SPATA16: variants seen among roughly 807,000 people sequenced by gnomAD.
The protein encoded by SPATA16 is spermatogenesis associated 16.
SPATA16 carries 36 observed loss-of-function variants against 63.3 expected under a neutral mutation model. The ratio of observed to expected loss-of-function variants is 0.57; its 90% CI spans 0.44 to 0.75. The LOEUF is 0.75. Among genes scored for constraint, SPATA16 ranks in the 30% least tolerant of loss-of-function variants. SPATA16 has a pLI of 0.00. For missense variants in SPATA16, 646 were observed against 679.3 expected, an observed-to-expected ratio of 0.95 and a Z score of 0.54; for synonymous variants, 203 against 216.7, an observed-to-expected ratio of 0.94 and a Z score of 0.56.
intron 2 of SPATA16, among the ~76,000 whole-genome samples, chr3:173,080,091 T>A (rs1018272491): frequency 6.6e-5 from 10 of 152,342 alleles, no homozygotes; most frequent in Admixed American, 5.9e-4. Context: ...TTTAATTTCT[T>A]TCTTCTTGAT....
intron 2 of SPATA16, among the ~76,000 whole-genome samples, chr3:173,064,135 G>C (rs1257318984): frequency 6.6e-6 from 1 of 151,924 alleles, no homozygotes; most frequent in East Asian, 1.9e-4. Context: ...GTGAAACACT[G>C]TCTCTACTAA....
At chr3:172,960,823 T>C (rs2108237882) in intron 5 of SPATA16, among the ~76,000 whole-genome samples, 1 of 151,510 alleles carries the variant, frequency 6.6e-6, no homozygotes, top group East Asian at 2.0e-4. Flanking sequence ...GCAGAAACTA[T>C]AAACTTCAAA....
chr3:173,085,856 G>T (rs1737037308), intron 2 of SPATA16, among the ~76,000 whole-genome samples: 1 of 152,128 alleles, frequency 6.6e-6, no homozygotes, highest in South Asian at 2.1e-4. Flanking sequence ...TGCATCCCAG[G>T]GATAATGCCA....
At chr3:172,937,726 T>A (rs1012110874) in intron 6 of SPATA16, among the ~76,000 whole-genome samples, 1 of 152,132 alleles carries the variant, frequency 6.6e-6, no homozygotes, top group Non-Finnish European at 1.5e-5. Context: ...ATTTTGTAGA[T>A]CAGTGTCATC....
intron 10 of SPATA16, among the ~76,000 whole-genome samples, chr3:172,890,116 T>C (rs1731863448): frequency 6.6e-6 from 1 of 152,222 alleles, no homozygotes; most frequent in Non-Finnish European, 1.5e-5. Context: ...CCAGAGATTC[T>C]AGCATTTAGA....
chr3:172,958,778 T>G (rs188396208), intron 5 of SPATA16, among the ~76,000 whole-genome samples: 1 of 152,278 alleles, frequency 6.6e-6, no homozygotes, highest in Admixed American at 6.5e-5. Flanking sequence ...CCTCTTTGTG[T>G]GTGTGCACGC....
intron 2 of SPATA16, among the ~76,000 whole-genome samples, chr3:173,090,966 G>A (rs1737207623): frequency 6.6e-6 from 1 of 152,038 alleles, no homozygotes; most frequent in Non-Finnish European, 1.5e-5. Flanking sequence ...ACTTTCCCTT[G>A]ATCTGACATC....
chr3:173,019,125 T>C (rs188492962), intron 4 of SPATA16, among the ~76,000 whole-genome samples: 1 of 152,176 alleles, frequency 6.6e-6, no homozygotes, highest in Non-Finnish European at 1.5e-5. Flanking sequence ...TTTCACGTGA[T>C]TGGATTTCCT....
chr3:172,977,146 A>G (rs1465219579), intron 4 of SPATA16, 94 bp from the exon 5 acceptor site: 2 of 945,456 alleles, frequency 2.1e-6, no homozygotes, highest in East Asian at 2.5e-5. Flanking sequence ...ACTGAGGAAG[A>G]TGATTTTTAA....
At position 173,067,874 on chromosome 3, in the gene SPATA16, CAAAT is replaced by C. The variant is rs748350614; in HGVS notation, c.613-18784_613-18781del. Among the ~76,000 whole-genome samples the C allele has an allele frequency of 5.8e-3, 883 of 152,112 alleles. 9 individuals carry two copies. Among genetic ancestry groups the C allele is most frequent in the African/African-American group, 0.019 (806 of 41,500 alleles). On this transcript the variant is annotated intron_variant, in intron 2 of 10. Transcript: ENST00000351008. ...CCAAAAAGCAGCAAGATAAAAGAAACAAATAAAAATAAAAAGAATTGTGATATGC... is the reference window on the plus strand; with the variant it reads ...CCAAAAAGCAGCAAGATAAAAGAAACAAAAATAAAAAGAATTGTGATATGC...
chr3:173,079,852 G>GT (rs11463186), intron 2 of SPATA16, among the ~76,000 whole-genome samples: 29,307 of 148,992 alleles, frequency 0.2, 3,268 homozygotes, highest in African/African-American at 0.32. Flanking sequence ...CTCTTCTACT[G>GT]TTTTTTTTTT....
At chr3:173,054,770 A>G (rs1329032910) in intron 2 of SPATA16, among the ~76,000 whole-genome samples, 1 of 152,150 alleles carries the variant, frequency 6.6e-6, no homozygotes, top group Non-Finnish European at 1.5e-5. Context: ...AAGAAAAGAG[A>G]AAGAAAACAC....
intron 2 of SPATA16, among the ~76,000 whole-genome samples, chr3:173,113,193 T>G (rs1386983783): frequency 6.6e-6 from 1 of 152,236 alleles, no homozygotes; most frequent in Non-Finnish European, 1.5e-5. Context: ...ACTGTTTTTG[T>G]AGTGGGGAAA....
In SPATA16 at chr3:172,916,185, A is replaced by C; in HGVS notation, c.1503+132T>G. The stretch of plus-strand genomic sequence containing the variant: ...TTCAGTTTTGCCATTAGAATGCTTC[A>C]AGAAGGTTTGGGAGTTTGCCCTCAG... On this transcript the variant is annotated intron_variant, in intron 9 of 10. Coordinates refer to ENST00000351008, the MANE Select transcript of SPATA16 (RefSeq NM_031955.6). The C allele has an allele frequency of 5.4e-6, 6 of 1,112,622 alleles. No homozygotes were observed. In the South Asian group the frequency reaches 8.0e-5, roughly 15 times the overall value. 68.9% of individuals were successfully genotyped at this position (1,112,622 alleles called of 1,614,324 possible).
intron 3 of SPATA16, among the ~76,000 whole-genome samples, chr3:173,024,476 A>T (rs1474685463): frequency 6.6e-6 from 1 of 151,054 alleles, no homozygotes; most frequent in Non-Finnish European, 1.5e-5. Context: ...ATCTATCAAA[A>T]TGATCTTGTG....
rs546184017 is a variant in SPATA16, at chr3:173,015,102, C to T, written c.848+4384G>A. Reference sequence around the variant, plus strand: ...TTTTGAGACAGAGTTTCACTCTCATCGCCCAGGCTGGACTGCAATGGCACG... The same window carrying T: ...TTTTGAGACAGAGTTTCACTCTCATTGCCCAGGCTGGACTGCAATGGCACG... On this transcript the variant is annotated intron_variant, in intron 4 of 10. Transcript: ENST00000351008. Among the ~76,000 whole-genome samples the T allele has an allele frequency of 6.8e-5, 10 of 146,382 alleles. No individual in the cohort carries two copies. The East Asian group carries it at 1.2e-3, about 18-fold the overall frequency.
intron 2 of SPATA16, among the ~76,000 whole-genome samples, chr3:173,112,114 C>G (rs1446670056): frequency 6.6e-6 from 1 of 151,812 alleles, no homozygotes; most frequent in Non-Finnish European, 1.5e-5. Context: ...AATGCAATGC[C>G]AACCCACTCT....
chr3:173,054,145 A>G (rs539244894), intron 2 of SPATA16, among the ~76,000 whole-genome samples: 1 of 152,184 alleles, frequency 6.6e-6, no homozygotes, highest in East Asian at 1.9e-4. Context: ...CTCTCAGCAA[A>G]TGACAGAAAT....
intron 10 of SPATA16, 141 bp downstream of exon 10, chr3:172,913,520 G>C: frequency 2.7e-6 from 2 of 733,120 alleles, no homozygotes; most frequent in Non-Finnish European, 4.6e-6. Flanking sequence ...TCCAGGGAGA[G>C]AGCTGCATTT....
Sources: gnomAD v4.1 joint callset for allele counts (sites outside exome capture counted in the v4.1 genomes callset) on GRCh38, gnomAD v4.1.1 for gene constraint, MANE v1.5 for transcripts, NCBI Gene and HGNC (gene_info 2026-07-23, HGNC 2026-07-21) for gene names.